Variants in ZNF98 observed in about 807,000 individuals in gnomAD.
ZNF98 encodes zinc finger protein 98.
ZNF98 carries 8 observed loss-of-function variants against 12.8 expected under a neutral mutation model. That is an observed-to-expected ratio of 0.63 (90% confidence interval 0.37 to 1.13). The LOEUF (loss-of-function observed/expected upper bound fraction) is 1.13, where lower values mean the gene tolerates loss of function less well. Ranked by LOEUF, ZNF98 falls within the 50% of genes most tolerant of loss-of-function variation. The pLI is 0.01. For synonymous variants in ZNF98, 112 were observed against 223.5 expected (o/e 0.50, Z 4.45); for missense variants, 379 against 666.1 (o/e 0.57, Z 4.74).
chr19:22,407,789 G>C (rs1302847541), intron 1 of ZNF98, among the ~76,000 whole-genome samples: 1 of 151,782 alleles, frequency 6.6e-6, no homozygotes, highest in Non-Finnish European at 1.5e-5. Flanking sequence ...ACATCCACCA[G>C]GTCGGGCGCG....
Position 22,393,064 on chromosome 19 carries a change from C to T in ZNF98, c.254-83G>A, listed in dbSNP as rs1402890416. 20 of 1,324,610 alleles carry T rather than the reference C, an allele frequency of 1.5e-5. No individual in the cohort carries two copies. The East Asian group carries it at 5.0e-4, about 33-fold the overall frequency. 82.1% of individuals were successfully genotyped at this position (1,324,610 alleles called of 1,614,324 possible). A position where few individuals can be genotyped will look rare whatever the true frequency, so the allele number is the denominator to read the frequency against. On this transcript the variant is annotated intron_variant, in intron 3 of 3. Transcript: ENST00000357774. Reference sequence around the variant, plus strand: ...TACAAATCTAACCTATAAAATTATACAAACTACATCACAAGATGTTACAGC... The same window carrying T: ...TACAAATCTAACCTATAAAATTATATAAACTACATCACAAGATGTTACAGC...
chr19:22,421,852 C>A (rs1168412586), intron 1 of ZNF98, among the ~76,000 whole-genome samples: 2 of 152,146 alleles, frequency 1.3e-5, no homozygotes, highest in African/African-American at 2.4e-5. Context: ...CATTCATGAA[C>A]CCTCACCCCC....
intron 3 of ZNF98, among the ~76,000 whole-genome samples, chr19:22,401,008 TA>T (rs1701915747): frequency 6.6e-6 from 1 of 151,466 alleles, no homozygotes; most frequent in Admixed American, 6.6e-5. Context: ...AAGAGGTGTT[TA>T]CTCCTTCAAA....
chr19:22,415,890 C>T (rs1029828542), intron 1 of ZNF98, among the ~76,000 whole-genome samples: 14 of 145,612 alleles, frequency 9.6e-5, no homozygotes, highest in Non-Finnish European at 1.5e-4. Context: ...GTCAGGAGTT[C>T]GAGACCAGCT....
At chr19:22,414,896 AAAAAG>A (rs1297478267) in intron 1 of ZNF98, among the ~76,000 whole-genome samples, 94 of 152,280 alleles carry the variant, frequency 6.2e-4, no homozygotes, top group African/African-American at 2.1e-3. Flanking sequence ...TAATTAAGCT[AAAAAG>A]CTTCTTCACA....
At position 22,392,875 on chromosome 19, in the gene ZNF98, T is replaced by C. The variant is rs1318509985; in HGVS notation, c.360A>G (p.Leu120=). ...TGCTTTTACAGTATTTTCTTAACTGTAAATTTTCACGTCCACATTTTTTAT... is the reference window on the plus strand; with the variant it reads ...TGCTTTTACAGTATTTTCTTAACTGCAAATTTTCACGTCCACATTTTTTAT... ...RTYKKCGREN[L]QLRKYCKSMD... Residue 120 remains leucine (L), a synonymous_variant, in exon 4 of 4, where the codon TTA becomes TTG. Transcript: ENST00000357774. The C allele has an allele frequency of 6.2e-7, 1 of 1,607,722 alleles. No individual in the cohort carries two copies.
intron 1 of ZNF98, 90 bp downstream of exon 1, chr19:22,422,105 C>A (rs539958894): frequency 1.1e-5 from 16 of 1,507,586 alleles, no homozygotes; most frequent in African/African-American, 8.2e-5. Context: ...GAGCTGACAG[C>A]GGGGAGGCCT....
At chr19:22,406,572 C>T (rs1221775330) in intron 1 of ZNF98, among the ~76,000 whole-genome samples, 1 of 152,078 alleles carries the variant, frequency 6.6e-6, no homozygotes, top group Non-Finnish European at 1.5e-5. Context: ...AATCCCAGCA[C>T]TTTGGGAGGC....
chr19:22,391,286 TTC>T lies in ZNF98; in HGVS notation c.*228_*229del, dbSNP rs1188121678. 1.5e-5 allele frequency: 13 copies of T among 866,630 alleles called. No homozygotes were observed. The East Asian group carries it at 2.9e-4, about 20-fold the overall frequency. 53.7% of individuals were successfully genotyped at this position (866,630 alleles called of 1,614,324 possible). ...CACCTTTAATGCTATTAAGTATAAA[TTC>T]TCTGATGCTGAATAAGATGTGTGCA... is the stretch of plus-strand genomic sequence containing the variant. On this transcript the variant is annotated 3_prime_UTR_variant, in exon 4 of 4. Transcript: ENST00000357774.
At chr19:22,417,208 A>G (rs551649573) in intron 1 of ZNF98, among the ~76,000 whole-genome samples, 1 of 128,040 alleles carries the variant, frequency 7.8e-6, no homozygotes, top group Non-Finnish European at 1.6e-5. Context: ...CAGCTTGGGC[A>G]ATAAGAGCAA....
intron 1 of ZNF98, among the ~76,000 whole-genome samples, chr19:22,421,402 T>C (rs952264325): frequency 5.3e-5 from 8 of 152,120 alleles, no homozygotes; most frequent in Non-Finnish European, 7.4e-5. Flanking sequence ...ATGTGAAACA[T>C]GCAAGGGAAA....
At position 22,391,726 on chromosome 19, in the gene ZNF98, T is replaced by G. The variant is rs758886018; in HGVS notation, c.1509A>C (p.Ser503=). The change falls in exon 4 of 4, where the codon TCA becomes TCC. Residue 503 remains serine (S), a synonymous_variant. Coordinates refer to ENST00000357774, the MANE Select transcript of ZNF98 (RefSeq NM_001098626.2). ...GAATCATCTTATGTGTAGTAAGGTG[T>G]GAGGACTGGTTAAAAGCTTTGCCAC... ...EECGKAFNQS[S]HLTTHKMIHT... is the part of the protein sequence containing the mutation. The G allele has an allele frequency of 1.9e-6, 3 of 1,613,568 alleles. No homozygotes were observed. Among genetic ancestry groups the G allele is most frequent in the African/African-American group, 2.7e-5 (2 of 74,878 alleles).
intron 1 of ZNF98, among the ~76,000 whole-genome samples, chr19:22,413,327 G>A (rs1033838562): frequency 5.9e-5 from 9 of 152,058 alleles, no homozygotes; most frequent in African/African-American, 1.7e-4. Flanking sequence ...ACATAATGCC[G>A]TACCTGAAAA....
intron 1 of ZNF98, among the ~76,000 whole-genome samples, chr19:22,408,975 T>G (rs1039881602): frequency 1.3e-5 from 2 of 152,164 alleles, no homozygotes; most frequent in Non-Finnish European, 2.9e-5. Context: ...AGAGCCCATA[T>G]AGCCAAGACA....
chr19:22,412,124 C>T (rs1969587143), intron 1 of ZNF98, among the ~76,000 whole-genome samples: 1 of 152,154 alleles, frequency 6.6e-6, no homozygotes, highest in African/African-American at 2.4e-5. Flanking sequence ...AGTATACAGT[C>T]TTCTCATCAT....
Position 22,391,724 on chromosome 19 carries a change from T to C in ZNF98, c.1511A>G (p.His504Arg), listed in dbSNP as rs1969324995. The part of the protein sequence containing the change: ...ECGKAFNQSS[H>R]LTTHKMIHTG... ...ATGAATCATCTTATGTGTAGTAAGG[T>C]GTGAGGACTGGTTAAAAGCTTTGCC... The change falls in exon 4 of 4, where the codon CAC (histidine) becomes CGC (arginine). Residue 504 changes from histidine to arginine, a missense_variant. By Grantham distance (29) the His-to-Arg change is conservative. Coordinates refer to ENST00000357774, the MANE Select transcript of ZNF98 (RefSeq NM_001098626.2). 3 of 1,613,874 alleles carry C rather than the reference T, an allele frequency of 1.9e-6. No individual in the cohort carries two copies. The highest frequency in any genetic ancestry group is 2.5e-6 in the Non-Finnish European group (3 of 1,179,912).
At chr19:22,413,189 C>T (rs1969600524) in intron 1 of ZNF98, among the ~76,000 whole-genome samples, 1 of 151,884 alleles carries the variant, frequency 6.6e-6, no homozygotes, top group African/African-American at 2.4e-5. Flanking sequence ...ACAAGGATGC[C>T]CCTCCTCTCA....
At chr19:22,393,160 T>A (rs561894591) in intron 3 of ZNF98, among the ~76,000 whole-genome samples, 179 bp from the exon 4 acceptor site, 66 of 151,900 alleles carry the variant, frequency 4.3e-4, no homozygotes, top group Non-Finnish European at 2.1e-4. Context: ...TTCTGAAAAA[T>A]TAAAGTAAGT....
chr19:22,402,820 C>T lies in ZNF98; in HGVS notation c.222G>A (p.Val74=), dbSNP rs1333431851. ...GTTCAGTTACCATCTCATGTCTCTTCACATTCCAAGGTTCTTTTCCTTGCT... is the reference window on the plus strand; with the variant it reads ...GTTCAGTTACCATCTCATGTCTCTTTACATTCCAAGGTTCTTTTCCTTGCT... ...CLEQGKEPWN[V]KRHEMVTEPP... The change falls in exon 3 of 4, where the codon GTG becomes GTA. Residue 74 remains valine, a synonymous_variant. Coordinates refer to ENST00000357774, the MANE Select transcript of ZNF98 (RefSeq NM_001098626.2). 1 of 1,598,708 alleles carries T rather than the reference C, an allele frequency of 6.3e-7. No homozygotes were observed. The highest frequency in any genetic ancestry group is 2.3e-5 in the East Asian group (1 of 44,200).
Sources: allele counts gnomAD v4.1 joint callset (sites outside exome capture counted in the v4.1 genomes callset), GRCh38; gene constraint gnomAD v4.1.1; transcripts MANE v1.5; gene names NCBI Gene and HGNC (gene_info 2026-07-23, HGNC 2026-07-21).